The following TUBGCP4 variants were observed in gnomAD, a reference collection of about 807,000 sequenced individuals.
TUBGCP4 encodes the protein tubulin gamma complex component 4.
In TUBGCP4, 54 loss-of-function variants were observed where a neutral mutation model predicts 91.6. The observed-to-expected ratio is 0.59, with a 90% CI of 0.47 to 0.74. The LOEUF (loss-of-function observed/expected upper bound fraction) is 0.74, where lower values mean the gene tolerates loss of function less well. Among genes scored for constraint, TUBGCP4 ranks in the 30% least tolerant of loss-of-function variants. TUBGCP4 has a pLI of 0.00. For missense variants in TUBGCP4, 593 were observed against 800.9 expected (o/e 0.74, Z 3.13); for synonymous variants, 297 against 302.8 (o/e 0.98, Z 0.20).
Position 43,400,143 on chromosome 15 carries a change from G to T in TUBGCP4, c.1518G>T (p.Ser506=), listed in dbSNP as rs200586648. 1.2e-6 allele frequency: 2 copies of T among 1,614,186 alleles called. No homozygotes were observed. Among genetic ancestry groups the T allele is most frequent in the African/African-American group, 1.3e-5 (1 of 75,060 alleles). Residue 506 remains serine (S), a synonymous_variant, in exon 14 of 18, where the codon TCG becomes TCT. Coordinates refer to ENST00000564079, the MANE Select transcript of TUBGCP4 (RefSeq NM_014444.5). The stretch of plus-strand genomic sequence containing the variant: ...AAATGCAGCGCAAGCACCTCAAGTC[G>T]AACCAGACTGATGCAATCAAGTGGC... ...ALQMQRKHLK[S]NQTDAIKWRL...
chr15:43,408,156 G>T lies in TUBGCP4; in HGVS notation c.*2942G>T. 6.7e-7 allele frequency: 1 copy of T among 1,496,864 alleles called. No homozygotes were observed. The highest frequency in any genetic ancestry group is 2.3e-5 in the East Asian group (1 of 44,118). 92.7% of individuals were successfully genotyped at this position (1,496,864 alleles called of 1,614,324 possible). On this transcript the variant is annotated 3_prime_UTR_variant, in exon 18 of 18. Transcript: ENST00000564079. ...TCCAACAAACTGCCTTTCTGCAAAGGGACTCATGTACATCTGAATGCTTTC... is the reference window on the plus strand; with the variant it reads ...TCCAACAAACTGCCTTTCTGCAAAGTGACTCATGTACATCTGAATGCTTTC...
chr15:43,398,426 C>G, intron 13 of TUBGCP4: 1 of 334,292 alleles, frequency 3.0e-6, no homozygotes, highest in Non-Finnish European at 5.4e-6. Flanking sequence ...AGCCACCCAA[C>G]TAGTTTTTAA....
chr15:43,383,415 G>A lies in TUBGCP4; in HGVS notation c.634G>A (p.Gly212Ser). 2 of 1,614,144 alleles carry A rather than the reference G, an allele frequency of 1.2e-6. No homozygotes were observed. The highest frequency in any genetic ancestry group is 1.7e-6 in the Non-Finnish European group (2 of 1,180,022). The part of the protein sequence containing the change: ...EFFIKQGPSS[G>S]NVSAQPEEDE... The stretch of plus-strand genomic sequence containing the variant: ...CTTTATCAAACAGGGGCCATCTTCT[G>A]GTAATGTCAGTGCCCAGCCAGAAGA... Residue 212 changes from glycine (G) to serine (S), a missense_variant, in exon 7 of 18, where the codon GGT becomes AGT. Coordinates refer to ENST00000564079, the MANE Select transcript of TUBGCP4 (RefSeq NM_014444.5).
At position 43,409,288 on chromosome 15, in the gene TUBGCP4, C is replaced by T; in HGVS notation, c.*4074C>T. On this transcript the variant is annotated 3_prime_UTR_variant, in exon 18 of 18. Coordinates refer to ENST00000564079, the MANE Select transcript of TUBGCP4 (RefSeq NM_014444.5). ...GTAATTTCCATAGATGTTCTCTCTG[C>T]CTCACCTGCAGCATACTGAGGACCT... The T allele has an allele frequency of 1.6e-6, 1 of 611,484 alleles. No homozygotes were observed. The allele number at this position is 611,484 out of a possible 1,614,324, so 37.9% of individuals were successfully genotyped here.
chr15:43,392,830 T>C (rs1179124281), intron 9 of TUBGCP4, among the ~76,000 whole-genome samples: 1 of 152,122 alleles, frequency 6.6e-6, no homozygotes, highest in African/African-American at 2.4e-5. Context: ...TCTATTTTGT[T>C]AGTTACTAAG....
In TUBGCP4 at chr15:43,408,268, G is replaced by A. The variant is rs1284709621; in HGVS notation, c.*3054G>A. 1 of 605,626 alleles carries A rather than the reference G, an allele frequency of 1.7e-6. No homozygotes were observed. The highest frequency in any genetic ancestry group is 2.1e-5 in the South Asian group (1 of 48,228). 37.5% of individuals were successfully genotyped at this position (605,626 alleles called of 1,614,324 possible). A position where few individuals can be genotyped will look rare whatever the true frequency, so the allele number is the denominator to read the frequency against. On this transcript the variant is annotated 3_prime_UTR_variant, in exon 18 of 18. Transcript: ENST00000564079. Reference sequence around the variant, plus strand: ...TGTCGTGGTTGGATCTCTTGGGCCTGGGAGTTCGAGACCAGCCTGGGCAAT... The same window carrying A: ...TGTCGTGGTTGGATCTCTTGGGCCTAGGAGTTCGAGACCAGCCTGGGCAAT...
At chr15:43,400,246 G>A in intron 14 of TUBGCP4, 25 bp downstream of exon 14, 1 of 1,603,124 alleles carries the variant, frequency 6.2e-7, no homozygotes, top group Non-Finnish European at 8.5e-7. Flanking sequence ...ATGAGTAGAA[G>A]GAAGGGGTAC....
chr15:43,385,753 TCA>T (rs752002450), intron 7 of TUBGCP4, 36 bp from the exon 8 acceptor site: 2 of 1,607,690 alleles, frequency 1.2e-6, no homozygotes, highest in Admixed American at 3.4e-5. Flanking sequence ...TTTTCTTGCT[TCA>T]CACTGCATCT....
chr15:43,383,062 G>A (rs993449361), intron 6 of TUBGCP4, among the ~76,000 whole-genome samples: 1 of 152,130 alleles, frequency 6.6e-6, no homozygotes, highest in African/African-American at 2.4e-5. Flanking sequence ...TAAAAGAAGG[G>A]AAGAAAATGT....
In TUBGCP4 at chr15:43,377,838, A is replaced by G. The variant is rs778699802; in HGVS notation, c.385-9A>G. On this transcript the variant is annotated splice_polypyrimidine_tract_variant and intron_variant, in intron 4 of 17. Coordinates refer to ENST00000564079, the MANE Select transcript of TUBGCP4 (RefSeq NM_014444.5). ...TTACATACCCTTCTAATTATTCTCT[A>G]CTTTGCAGTTCCAGCTTCTTTTTCC... 4 of 1,596,256 alleles carry G rather than the reference A, an allele frequency of 2.5e-6. No homozygotes were observed. The highest frequency in any genetic ancestry group is 1.1e-5 in the South Asian group (1 of 87,634).
At position 43,393,077 on chromosome 15, in the gene TUBGCP4, A is replaced by G. The variant is rs1595492401; in HGVS notation, c.1015-2030A>G. Reference sequence around the variant, plus strand: ...GGAGACCAGGCTTCTTTTACTCAGCATAATTATTTTGAGATGAACCCATGT... The same window carrying G: ...GGAGACCAGGCTTCTTTTACTCAGCGTAATTATTTTGAGATGAACCCATGT... On this transcript the variant is annotated intron_variant, in intron 9 of 17. Transcript: ENST00000564079. 2.0e-5 allele frequency among the ~76,000 whole-genome samples: 3 copies of G among 152,316 alleles called. No homozygotes were observed. In the South Asian group the frequency reaches 6.2e-4, roughly 32 times the overall value.
intron 9 of TUBGCP4, among the ~76,000 whole-genome samples, chr15:43,393,630 T>G (rs571823963): frequency 6.6e-6 from 1 of 151,972 alleles, no homozygotes; most frequent in Admixed American, 6.6e-5. Context: ...CGGTGTGTGA[T>G]GTTCCCCTTC....
At chr15:43,377,646 A>G in intron 4 of TUBGCP4, 2 of 515,674 alleles carry the variant, frequency 3.9e-6, no homozygotes, top group Non-Finnish European at 6.6e-6. Context: ...GAAAAAAAAG[A>G]AACTGCCTCT....
intron 3 of TUBGCP4, 37 bp downstream of exon 3, chr15:43,376,662 A>G (rs1334833570): frequency 6.2e-7 from 1 of 1,613,328 alleles, no homozygotes; most frequent in Non-Finnish European, 8.5e-7. Flanking sequence ...CCTCTGGGAC[A>G]GTAGATTAGG....
chr15:43,386,129 G>C, intron 8 of TUBGCP4, 77 bp from the exon 9 acceptor site: 1 of 1,546,264 alleles, frequency 6.5e-7, no homozygotes, highest in South Asian at 1.3e-5. Context: ...GCCCCACTGA[G>C]ATTAGCCCTC....
Position 43,400,918 on chromosome 15 carries a change from C to CA in TUBGCP4, c.1596+709dup, listed in dbSNP as rs567791945. 5.2e-3 allele frequency among the ~76,000 whole-genome samples: 692 copies of CA among 132,954 alleles called. 1 individual carries two copies. Among genetic ancestry groups the CA allele is most frequent in the South Asian group, 0.037 (151 of 4,112 alleles). The allele number at this position is 132,954 out of a possible 152,430, so 87.2% of individuals were successfully genotyped here. A position where few individuals can be genotyped will look rare whatever the true frequency, so the allele number is the denominator to read the frequency against. ...GGGCAACAGAGTGAGACTCCGTCTCCAAAAAAAAAAAACTCCAGGCTTCAA... is the reference window on the plus strand; with the variant it reads ...GGGCAACAGAGTGAGACTCCGTCTCCAAAAAAAAAAAAACTCCAGGCTTCAA... On this transcript the variant is annotated intron_variant, in intron 14 of 17. Coordinates refer to ENST00000564079, the MANE Select transcript of TUBGCP4 (RefSeq NM_014444.5).
intron 16 of TUBGCP4, chr15:43,404,046 T>C: frequency 1.8e-6 from 1 of 540,784 alleles, no homozygotes; most frequent in South Asian, 2.5e-5. Flanking sequence ...AAGCATTGGG[T>C]TGTTCTAACT....
chr15:43,405,342 C>G lies in TUBGCP4; in HGVS notation c.*128C>G, dbSNP rs766004216. 2 of 1,062,662 alleles carry G rather than the reference C, an allele frequency of 1.9e-6. No homozygotes were observed. The highest frequency in any genetic ancestry group is 2.1e-5 in the Admixed American group (1 of 47,562). 65.8% of individuals were successfully genotyped at this position (1,062,662 alleles called of 1,614,324 possible). A position where few individuals can be genotyped will look rare whatever the true frequency, so the allele number is the denominator to read the frequency against. On this transcript the variant is annotated 3_prime_UTR_variant, in exon 18 of 18. Transcript: ENST00000564079. ...TTAGTGATAGGACTCTACCTTTTCT[C>G]CTAGAAGCAGTTACTGAACATCCAG...
At chr15:43,390,086 A>G (rs1472983883) in intron 9 of TUBGCP4, among the ~76,000 whole-genome samples, 10 of 152,114 alleles carry the variant, frequency 6.6e-5, no homozygotes, top group Non-Finnish European at 1.5e-5. Context: ...GGACACAGCC[A>G]AATCATGTCA....
Sources: gnomAD v4.1 joint callset for allele counts (sites outside exome capture counted in the v4.1 genomes callset) on GRCh38, gnomAD v4.1.1 for gene constraint, MANE v1.5 for transcripts, NCBI Gene and HGNC (gene_info 2026-07-23, HGNC 2026-07-21) for gene names.